The following NF1 variants were observed in gnomAD, a reference collection of about 807,000 sequenced individuals.
NF1 encodes the protein neurofibromin 1.
NF1 carries 122 observed loss-of-function variants against 325.7 expected under a neutral mutation model. The ratio of observed to expected loss-of-function variants is 0.37; its 90% CI spans 0.32 to 0.44. NF1 has a LOEUF of 0.44. NF1 is among the 20% of genes least tolerant of loss of function. The pLI is 1.00. For synonymous variants in NF1, 1,091 were observed against 1,186.0 expected, an observed-to-expected ratio of 0.92 and a Z score of 1.65; for missense variants, 2,140 against 3,415.4, an observed-to-expected ratio of 0.63 and a Z score of 9.31.
chr17:31,198,797 C>G (rs2066477924), intron 8 of NF1, among the ~76,000 whole-genome samples: 1 of 151,814 alleles, frequency 6.6e-6, no homozygotes. Context: ...GTCTTCTTTA[C>G]AGTAGAGATG....
chr17:31,365,769 A>G (rs1027424957), intron 57 of NF1, among the ~76,000 whole-genome samples: 5 of 152,116 alleles, frequency 3.3e-5, no homozygotes, highest in East Asian at 1.9e-4. Flanking sequence ...TTTGACCTCT[A>G]TTGTGATACC....
intron 36 of NF1, among the ~76,000 whole-genome samples, chr17:31,303,049 A>G (rs192176204): frequency 9.8e-5 from 15 of 152,312 alleles, no homozygotes; most frequent in Admixed American, 5.2e-4. Context: ...TCCTGTGTCC[A>G]AAACCCTACT....
intron 36 of NF1, among the ~76,000 whole-genome samples, chr17:31,278,407 G>GT (rs376109355): frequency 0.014 from 1,511 of 109,282 alleles, 53 homozygotes; most frequent in African/African-American, 0.034. Flanking sequence ...GATTTTTTGG[G>GT]TTTTTTTTTT....
intron 36 of NF1, among the ~76,000 whole-genome samples, chr17:31,302,761 C>T (rs2068605130): frequency 6.6e-6 from 1 of 152,104 alleles, no homozygotes; most frequent in Non-Finnish European, 1.5e-5. Flanking sequence ...AGGAGAACCC[C>T]TTTAACGTGG....
chr17:31,323,638 A>G (rs7226006), intron 36 of NF1, among the ~76,000 whole-genome samples: 56,006 of 151,956 alleles, frequency 0.37, 10,897 homozygotes, highest in East Asian at 0.53. Context: ...TTATCTCTCA[A>G]AACTTCTCTA....
intron 9 of NF1, 39 bp from the exon 10 acceptor site, chr17:31,200,998 G>T: frequency 6.2e-7 from 1 of 1,611,702 alleles, no homozygotes; most frequent in Non-Finnish European, 8.5e-7. Context: ...TACTGCATGG[G>T]TATTTAAAGG....
chr17:31,142,124 G>A (rs1916263111), intron 1 of NF1, among the ~76,000 whole-genome samples: 1 of 152,170 alleles, frequency 6.6e-6, no homozygotes, highest in Admixed American at 6.5e-5. Flanking sequence ...TTCACAGAGT[G>A]CTTTGCTTAA....
chr17:31,318,678 G>C, intron 36 of NF1: 1 of 1,614,094 alleles, frequency 6.2e-7, no homozygotes, highest in Non-Finnish European at 8.5e-7. Context: ...TTTTGCTTGT[G>C]TTTTCAATGC....
At chr17:31,370,664 C>T (rs1450741456) in intron 57 of NF1, among the ~76,000 whole-genome samples, 2 of 152,116 alleles carry the variant, frequency 1.3e-5, no homozygotes, top group Non-Finnish European at 2.9e-5. Context: ...ACACTGTGCC[C>T]AAACAGAAGC....
chr17:31,372,841 C>G (rs2051505), intron 57 of NF1, among the ~76,000 whole-genome samples: 65,730 of 151,470 alleles, frequency 0.43, 16,561 homozygotes, highest in African/African-American at 0.69. Context: ...CATAGTGAGA[C>G]TCTATCTCTA....
chr17:31,343,212 GA>G, intron 48 of NF1, 77 bp downstream of exon 48: 1 of 1,351,928 alleles, frequency 7.4e-7, no homozygotes, highest in Non-Finnish European at 1.0e-6. Context: ...GTGATTACTT[GA>G]AATAAATTGA....
At chr17:31,352,158 G>A (rs1302217916) in intron 50 of NF1, 99 bp from the exon 51 acceptor site, 13 of 1,070,088 alleles carry the variant, frequency 1.2e-5, no homozygotes, top group Non-Finnish European at 1.7e-5. Flanking sequence ...TTAATTGATT[G>A]CTGTTGTTAG....
At chr17:31,287,344 A>G (rs1253905920) in intron 36 of NF1, among the ~76,000 whole-genome samples, 1 of 152,210 alleles carries the variant, frequency 6.6e-6, no homozygotes, top group African/African-American at 2.4e-5. Flanking sequence ...TCTTAACCAT[A>G]TTTTTTATCA....
At chr17:31,370,713 G>C (rs2070619502) in intron 57 of NF1, among the ~76,000 whole-genome samples, 1 of 152,128 alleles carries the variant, frequency 6.6e-6, no homozygotes, top group Non-Finnish European at 1.5e-5. Context: ...CCTCAGAGTA[G>C]GCCATGGTCT....
chr17:31,258,790 A>AT (rs781265905), intron 32 of NF1, among the ~76,000 whole-genome samples: 5 of 152,042 alleles, frequency 3.3e-5, no homozygotes, highest in Non-Finnish European at 7.4e-5. Flanking sequence ...AGACTATAGG[A>AT]TTTTTTATTT....
At chr17:31,330,194 A>C in intron 38 of NF1, 102 bp from the exon 39 acceptor site, 1 of 983,780 alleles carries the variant, frequency 1.0e-6, no homozygotes, top group Admixed American at 1.9e-5. Flanking sequence ...AAAATAGTTG[A>C]TCATACTTTG....
At position 31,157,787 on chromosome 17, in the gene NF1, G is replaced by A. The variant is rs553366618; in HGVS notation, c.205-1223G>A. The stretch of plus-strand genomic sequence containing the variant: ...ATCCTGTCTAACATGGTGAAACCCC[G>A]TCTCTACTAAAAAAAAAAAAAAAAA... On this transcript the variant is annotated intron_variant, in intron 2 of 57. Transcript: ENST00000358273. Among the ~76,000 whole-genome samples, 14 of 132,274 alleles carry A rather than the reference G, an allele frequency of 1.1e-4. No homozygotes were observed. The East Asian group carries it at 1.5e-3, about 14-fold the overall frequency. The allele number at this position is 132,274 out of a possible 152,430, so 86.8% of individuals were successfully genotyped here.
At chr17:31,238,167 T>A (rs1299739403) in intron 29 of NF1, among the ~76,000 whole-genome samples, 1 of 152,124 alleles carries the variant, frequency 6.6e-6, no homozygotes. Context: ...TTAAAACTCC[T>A]AGGGGCCTAG....
chr17:31,116,280 A>T (rs1417060541), intron 1 of NF1, among the ~76,000 whole-genome samples: 1 of 152,202 alleles, frequency 6.6e-6, no homozygotes, highest in Non-Finnish European at 1.5e-5. Flanking sequence ...TGAACGTTTT[A>T]GGGAAAATGC....
Sources: gnomAD v4.1 joint callset for allele counts (sites outside exome capture counted in the v4.1 genomes callset) on GRCh38, gnomAD v4.1.1 for gene constraint, MANE v1.5 for transcripts, NCBI Gene and HGNC (gene_info 2026-07-23, HGNC 2026-07-21) for gene names.